Variants in BANP observed in about 807,000 individuals in gnomAD.
BANP encodes protein BANP.
Under a neutral mutation model 68.1 loss-of-function variants are expected in BANP, and 11 were observed. The ratio of observed to expected loss-of-function variants is 0.16; its 90% CI spans 0.10 to 0.27. The LOEUF (loss-of-function observed/expected upper bound fraction) is 0.27, where lower values mean the gene tolerates loss of function less well. BANP is among the 10% of genes least tolerant of loss of function. BANP has a pLI of 1.00. For missense variants in BANP, 504 were observed against 722.7 expected, an observed-to-expected ratio of 0.70 and a Z score of 3.47; for synonymous variants, 329 against 303.2, an observed-to-expected ratio of 1.09 and a Z score of -0.88.
chr16:87,990,482 G>T (rs569843583), intron 4 of BANP, among the ~76,000 whole-genome samples: 4 of 152,112 alleles, frequency 2.6e-5, no homozygotes, highest in Non-Finnish European at 5.9e-5. Context: ...TTCTGGCACG[G>T]GAGCACAAGA....
At chr16:88,034,808 A>G (rs2078956440) in intron 9 of BANP, among the ~76,000 whole-genome samples, 1 of 124,982 alleles carries the variant, frequency 8.0e-6, no homozygotes, top group African/African-American at 2.6e-5. Flanking sequence ...TGTGTTACAC[A>G]GCAGCCCCCC....
chr16:88,069,203 C>A (rs2089658692), intron 12 of BANP, among the ~76,000 whole-genome samples: 2 of 152,216 alleles, frequency 1.3e-5, no homozygotes, highest in Admixed American at 1.3e-4. Context: ...GTGCCGGCAG[C>A]TCCTCCTCCT....
intron 11 of BANP, among the ~76,000 whole-genome samples, chr16:88,039,919 G>A (rs981911388): frequency 1.3e-5 from 2 of 152,204 alleles, no homozygotes; most frequent in African/African-American, 4.8e-5. Context: ...CTCTCTCTAA[G>A]TGGCCTTACC....
Position 88,036,599 on chromosome 16 carries a change from C to T in BANP, c.1272+1205C>T, listed in dbSNP as rs1159527742. Among the ~76,000 whole-genome samples the T allele has an allele frequency of 5.9e-5, 9 of 152,166 alleles. No homozygotes were observed. In the East Asian group the frequency reaches 1.5e-3, roughly 26 times the overall value. Reference sequence around the variant, plus strand: ...GGTGGGTTATCCTGAGAGGGGAGCACATGCGTAAGGGTTCTGAGGGCGGAA... The same window carrying T: ...GGTGGGTTATCCTGAGAGGGGAGCATATGCGTAAGGGTTCTGAGGGCGGAA... On this transcript the variant is annotated intron_variant, in intron 10 of 13. Coordinates refer to ENST00000682872, the MANE Select transcript of BANP (RefSeq NM_001386991.1). The surrounding 1 kb of genome is among the most constrained non-coding windows in gnomAD (Gnocchi z 4.2).
intron 7 of BANP, among the ~76,000 whole-genome samples, chr16:88,024,510 T>C: frequency 6.6e-6 from 1 of 152,250 alleles, no homozygotes; most frequent in East Asian, 1.9e-4. Flanking sequence ...CCCTGTTAAG[T>C]GCGGCTGCTC....
intron 12 of BANP, among the ~76,000 whole-genome samples, chr16:88,069,974 A>C (rs533478044): frequency 2.0e-5 from 3 of 152,126 alleles, no homozygotes; most frequent in African/African-American, 7.2e-5. Context: ...CCCCAGCCCC[A>C]GTCAGCATGC....
Position 88,018,815 on chromosome 16 carries a change from C to T in BANP, c.895+148C>T, listed in dbSNP as rs1049073554. 1.4e-5 allele frequency: 16 copies of T among 1,109,474 alleles called. No individual in the cohort carries two copies. The Admixed American group carries it at 2.5e-4, about 17-fold the overall frequency. The allele number at this position is 1,109,474 out of a possible 1,614,324, so 68.7% of individuals were successfully genotyped here. A position where few individuals can be genotyped will look rare whatever the true frequency, so the allele number is the denominator to read the frequency against. ...TGAAATCTCAGCCCGAGGATCAGTGCTCGAGGGGATGGATGAGCTGTTGAC... is the reference window on the plus strand; with the variant it reads ...TGAAATCTCAGCCCGAGGATCAGTGTTCGAGGGGATGGATGAGCTGTTGAC... On this transcript the variant is annotated intron_variant, in intron 7 of 13. Coordinates refer to ENST00000682872, the MANE Select transcript of BANP (RefSeq NM_001386991.1). This position sits in a 1 kb window ranked among gnomAD's most constrained non-coding sequence, Gnocchi z 7.7.
chr16:88,005,735 T>A (rs2070842917), intron 5 of BANP, among the ~76,000 whole-genome samples: 1 of 152,244 alleles, frequency 6.6e-6, no homozygotes. Flanking sequence ...TTTCCTCATT[T>A]AGTCTTCCCT....
chr16:88,005,954 G>A, intron 5 of BANP, 136 bp from the exon 6 acceptor site: 1 of 969,336 alleles, frequency 1.0e-6, no homozygotes, highest in African/African-American at 1.6e-5. Flanking sequence ...AATCTTGGTA[G>A]AGAGAGCAGT....
intron 11 of BANP, among the ~76,000 whole-genome samples, chr16:88,041,982 G>A (rs189583456): frequency 2.8e-4 from 43 of 152,060 alleles, no homozygotes; most frequent in African/African-American, 8.4e-4. Context: ...GGTGAGAGAC[G>A]CAGTAGGAGC....
chr16:88,046,782 G>T (rs1040166637), intron 11 of BANP, among the ~76,000 whole-genome samples: 2 of 151,952 alleles, frequency 1.3e-5, no homozygotes, highest in South Asian at 4.2e-4. Context: ...TCCATATCAT[G>T]TTGGCCGGGC....
intron 1 of BANP, chr16:87,956,889 C>T (rs931090043): frequency 6.6e-6 from 1 of 152,156 alleles, no homozygotes; most frequent in African/African-American, 2.4e-5. Context: ...AAGTGCTGTC[C>T]CAGAAGCCCC....
intron 4 of BANP, among the ~76,000 whole-genome samples, chr16:87,990,164 T>C (rs2152492673): frequency 6.6e-6 from 1 of 152,372 alleles, no homozygotes; most frequent in South Asian, 2.1e-4. Flanking sequence ...TTATTTTAAT[T>C]TAAAAATAGA....
chr16:88,065,418 C>A (rs1599057059), intron 12 of BANP, 86 bp downstream of exon 12: 2 of 652,846 alleles, frequency 3.1e-6, no homozygotes, highest in Non-Finnish European at 5.5e-6. Flanking sequence ...TGACACTGGG[C>A]CCACCTGGCC....
At chr16:87,999,171 C>A (rs1204835911) in intron 4 of BANP, among the ~76,000 whole-genome samples, 2 of 142,806 alleles carry the variant, frequency 1.4e-5, no homozygotes, top group African/African-American at 5.2e-5. Context: ...CTTCCAGACA[C>A]ATCTCCATGC....
intron 11 of BANP, among the ~76,000 whole-genome samples, chr16:88,041,611 G>A (rs1193901912): frequency 3.9e-5 from 6 of 152,110 alleles, no homozygotes; most frequent in South Asian, 2.1e-4. Flanking sequence ...CTGCCATTAC[G>A]TCTCTGTCTG....
intron 2 of BANP, chr16:87,980,800 G>A (rs2063111932): frequency 2.0e-6 from 1 of 511,814 alleles, no homozygotes; most frequent in Non-Finnish European, 3.5e-6. Flanking sequence ...CAGGTTTGGA[G>A]TTAGGACTGA....
chr16:88,038,260 C>T (rs934271905), intron 11 of BANP, among the ~76,000 whole-genome samples: 15 of 152,110 alleles, frequency 9.9e-5, no homozygotes, highest in African/African-American at 3.6e-4. Context: ...CTCTCACATA[C>T]AGGCCATGGT....
At chr16:87,975,263 T>C (rs1367683892) in intron 2 of BANP, 78 bp downstream of exon 2, 5 of 1,454,134 alleles carry the variant, frequency 3.4e-6, no homozygotes, top group Non-Finnish European at 3.8e-6. Flanking sequence ...AGTTATTTTC[T>C]TTCCTTTAAG....
Sources: gnomAD v4.1 joint callset for allele counts (sites outside exome capture counted in the v4.1 genomes callset) on GRCh38, gnomAD v4.1.1 for gene constraint, Gnocchi (gnomAD v3.1) non-coding constraint, MANE v1.5 for transcripts, NCBI Gene and HGNC (gene_info 2026-07-23, HGNC 2026-07-21) for gene names.